Variants in TRERF1 observed in about 807,000 individuals in gnomAD.
TRERF1 encodes the protein transcriptional regulating factor 1.
A neutral mutation model predicts 122.9 loss-of-function variants in TRERF1; 27 were observed. That is an observed-to-expected ratio of 0.22 (90% CI 0.16 to 0.30). The LOEUF is 0.30. TRERF1 is among the 10% of genes least tolerant of loss of function. The pLI is 1.00. For synonymous variants in TRERF1, 636 were observed against 641.7 expected (o/e 0.99, Z 0.13); for missense variants, 1,248 against 1,560.3 (o/e 0.80, Z 3.37).
At chr6:42,377,042 T>C (rs1484724491) in intron 2 of TRERF1, among the ~76,000 whole-genome samples, 1 of 151,804 alleles carries the variant, frequency 6.6e-6, no homozygotes, top group Non-Finnish European at 1.5e-5. Flanking sequence ...ATTTTTGTAT[T>C]TTTAGTAGAG....
intron 16 of TRERF1, among the ~76,000 whole-genome samples, chr6:42,234,129 T>C (rs1771511163): frequency 1.3e-5 from 2 of 152,140 alleles, no homozygotes; most frequent in Admixed American, 1.3e-4. Context: ...TTATGATAAA[T>C]TCCAGACACT....
At position 42,263,280 on chromosome 6, in the gene TRERF1, C is replaced by A; in HGVS notation, c.1884+40G>T. On this transcript the variant is annotated intron_variant, in intron 8 of 17. Coordinates refer to ENST00000372922, the Ensembl canonical transcript of TRERF1. The surrounding 1 kb of genome is among the most constrained non-coding windows in gnomAD (Gnocchi z 5.6). ...CTCACAGCAGGCGTGCGGGGGGCAGCCCCTTGGGGTGAGTGTGGGGGAGAG... is the reference window on the plus strand; with the variant it reads ...CTCACAGCAGGCGTGCGGGGGGCAGACCCTTGGGGTGAGTGTGGGGGAGAG... 3 of 1,569,162 alleles carry A rather than the reference C, an allele frequency of 1.9e-6. No homozygotes were observed. The highest frequency in any genetic ancestry group is 2.6e-6 in the Non-Finnish European group (3 of 1,153,186).
intron 3 of TRERF1, among the ~76,000 whole-genome samples, chr6:42,359,198 G>C (rs530108530): frequency 1.0e-3 from 158 of 152,304 alleles, no homozygotes; most frequent in Middle Eastern, 3.4e-3. Flanking sequence ...CTGGGATTCT[G>C]AGAGGTCAGC....
rs552527633 is a variant in TRERF1, at chr6:42,257,996, A to T, written c.2336+139T>A. 4.3e-6 allele frequency: 3 copies of T among 696,190 alleles called. No homozygotes were observed. The South Asian group carries it at 6.3e-5, about 15-fold the overall frequency. The allele number at this position is 696,190 out of a possible 1,614,324, so 43.1% of individuals were successfully genotyped here. A position where few individuals can be genotyped will look rare whatever the true frequency, so the allele number is the denominator to read the frequency against. On this transcript the variant is annotated intron_variant, in intron 10 of 17. Coordinates refer to ENST00000372922, the Ensembl canonical transcript of TRERF1. Reference sequence around the variant, plus strand: ...ACTGGCAACCATTGTGCAGGGAAACAACAGTACTCAAGAAATAACCACGAT... The same window carrying T: ...ACTGGCAACCATTGTGCAGGGAAACTACAGTACTCAAGAAATAACCACGAT...
chr6:42,354,529 A>C (rs1770133337), intron 3 of TRERF1, among the ~76,000 whole-genome samples: 1 of 151,998 alleles, frequency 6.6e-6, no homozygotes, highest in African/African-American at 2.4e-5. Context: ...TTAATTGTTT[A>C]ATCCATCTGT....
intron 3 of TRERF1, among the ~76,000 whole-genome samples, chr6:42,338,071 C>T (rs1766543956): frequency 6.6e-6 from 1 of 152,144 alleles, no homozygotes; most frequent in Non-Finnish European, 1.5e-5. Context: ...TCTAGGAAGT[C>T]CTGCTCCAGA....
intron 2 of TRERF1, among the ~76,000 whole-genome samples, chr6:42,448,013 T>C (rs1490519417): frequency 6.6e-6 from 1 of 152,132 alleles, no homozygotes; most frequent in Non-Finnish European, 1.5e-5. Context: ...CCTAAATCCT[T>C]ACTTTTCATG....
chr6:42,299,729 C>G (rs1396705274), intron 4 of TRERF1, among the ~76,000 whole-genome samples: 1 of 152,088 alleles, frequency 6.6e-6, no homozygotes. Context: ...AAAAAAGGAG[C>G]CCACGGAAGT....
intron 3 of TRERF1, among the ~76,000 whole-genome samples, chr6:42,312,831 A>T (rs1258839342): frequency 6.6e-6 from 1 of 152,166 alleles, no homozygotes; most frequent in Non-Finnish European, 1.5e-5. Flanking sequence ...CCAGGAACAC[A>T]AGGGCAGAGT....
chr6:42,288,043 C>T (rs180867902), intron 4 of TRERF1, among the ~76,000 whole-genome samples: 4 of 152,150 alleles, frequency 2.6e-5, no homozygotes, highest in African/African-American at 9.6e-5. Flanking sequence ...TCCACCTTCT[C>T]AGCCTACAAG....
At chr6:42,442,251 C>CT (rs1786660237) in intron 2 of TRERF1, among the ~76,000 whole-genome samples, 1 of 151,840 alleles carries the variant, frequency 6.6e-6, no homozygotes, top group South Asian at 2.1e-4. Context: ...TCAACTCCAG[C>CT]TTTTTTTCTT....
chr6:42,258,200 G>A lies in TRERF1; in HGVS notation c.2271C>T (p.Asn757=), dbSNP rs745707580. 4.0e-5 allele frequency: 64 copies of A among 1,614,116 alleles called. No homozygotes were observed. In the Admixed American group the frequency reaches 1.0e-3, roughly 26 times the overall value. Reference sequence around the variant, plus strand: ...CCGTCACGTTGCTGCCATCGATGCTGTCTAAAACACAAAAATCAGAGGTCA... The same window carrying A: ...CCGTCACGTTGCTGCCATCGATGCTATCTAAAACACAAAAATCAGAGGTCA... The change falls in exon 10 of 18, where the codon AAC becomes AAT. Residue 757 remains asparagine (N), a splice_region_variant and synonymous_variant. Coordinates refer to ENST00000372922, the Ensembl canonical transcript of TRERF1.
intron 3 of TRERF1, among the ~76,000 whole-genome samples, chr6:42,301,426 C>T (rs1406891632): frequency 6.6e-6 from 1 of 152,164 alleles, no homozygotes; most frequent in African/African-American, 2.4e-5. Flanking sequence ...GACGGGGTTT[C>T]ACCATGTTGG....
chr6:42,265,210 C>A (rs1347734578), intron 6 of TRERF1, among the ~76,000 whole-genome samples: 2 of 152,234 alleles, frequency 1.3e-5, no homozygotes, highest in Non-Finnish European at 2.9e-5. Context: ...CACTTAGAGA[C>A]ATTTGTGCAA....
At chr6:42,391,747 A>T (rs771249258) in intron 2 of TRERF1, among the ~76,000 whole-genome samples, 2 of 152,138 alleles carry the variant, frequency 1.3e-5, no homozygotes, top group Non-Finnish European at 2.9e-5. Context: ...CTACCTGCCT[A>T]GAACATCTGT....
At chr6:42,246,502 T>C (rs1156853170) in exon 14 of TRERF1, 1 of 1,602,836 alleles carries the variant, frequency 6.2e-7, no homozygotes, top group South Asian at 1.1e-5. Context: ...GGCTAGTGCT[T>C]TGTTAAACAG....
chr6:42,232,776 C>A lies in TRERF1; in HGVS notation c.3183G>T (p.Gln1061His), dbSNP rs772289246. 6.2e-7 allele frequency: 1 copy of A among 1,613,392 alleles called. No individual in the cohort carries two copies. Residue 1061 changes from glutamine (Q) to histidine (H), a missense_variant, in exon 17 of 18, where the codon CAG becomes CAT. Physicochemically the swap from Gln to His is conservative, Grantham distance 24. Around this residue, in one of 5 missense-constraint regions of TRERF1, gnomAD observed 159 missense variants for 221.7 expected, o/e 0.72. Coordinates refer to ENST00000372922, the Ensembl canonical transcript of TRERF1. This position sits in a 1 kb window ranked among gnomAD's most constrained non-coding sequence, Gnocchi z 4.5. ...AGCTCTTTACCGAACAGTACCCACTCTGGGTGCCACCAGGCTTCTGCTTCC... is the reference window on the plus strand; with the variant it reads ...AGCTCTTTACCGAACAGTACCCACTATGGGTGCCACCAGGCTTCTGCTTCC...
chr6:42,379,152 ACCACCC>A (rs1365822462), intron 2 of TRERF1, among the ~76,000 whole-genome samples: 1 of 151,812 alleles, frequency 6.6e-6, no homozygotes, highest in African/African-American at 2.4e-5. Flanking sequence ...TTTTGTGTGT[ACCACCC>A]CCCACAGTCT....
intron 7 of TRERF1, 109 bp downstream of exon 7, chr6:42,264,595 G>A: frequency 1.3e-6 from 2 of 1,501,614 alleles, no homozygotes; most frequent in Non-Finnish European, 1.8e-6. Flanking sequence ...AGGGAGGACT[G>A]TGCCTCGCCA....
Sources: allele counts gnomAD v4.1 joint callset (sites outside exome capture counted in the v4.1 genomes callset), GRCh38; gene constraint gnomAD v4.1.1; regional missense constraint gnomAD v4.1.1; non-coding constraint Gnocchi (gnomAD v3.1); transcripts MANE v1.5; gene names NCBI Gene and HGNC (gene_info 2026-07-23, HGNC 2026-07-21).